The following PILRA variants were observed in gnomAD, a reference collection of about 807,000 sequenced individuals.
PILRA encodes the protein paired immunoglobin like type 2 receptor alpha, also known as paired immunoglobulin-like type 2 receptor alpha.
In PILRA, 37 loss-of-function variants were observed where a neutral mutation model predicts 33.1. The observed-to-expected ratio is 1.12, with a 90% CI of 0.86 to 1.47. PILRA has a LOEUF of 1.47. Ranked by LOEUF, PILRA falls within the 40% of genes most tolerant of loss-of-function variation. PILRA has a pLI of 0.00. For missense variants in PILRA, 312 were observed against 376.2 expected (o/e 0.83, Z 1.41); for synonymous variants, 146 against 149.9 (o/e 0.97, Z 0.19).
At chr7:100,396,124 A>AAAATAAAT (rs376347557) in intron 3 of PILRA, among the ~76,000 whole-genome samples, 1 of 151,860 alleles carries the variant, frequency 6.6e-6, no homozygotes, top group Non-Finnish European at 1.5e-5. Flanking sequence ...ACTTCATCTC[A>AAAATAAAT]AAATAAATAA....
chr7:100,380,823 T>A (rs1015678755), intron 2 of PILRA, among the ~76,000 whole-genome samples: 1 of 151,966 alleles, frequency 6.6e-6, no homozygotes, highest in African/African-American at 2.4e-5. Context: ...ACAAAAAAAT[T>A]AGCCAGGTGT....
At chr7:100,377,019 C>T (rs1159309377) in intron 2 of PILRA, among the ~76,000 whole-genome samples, 3 of 151,876 alleles carry the variant, frequency 2.0e-5, no homozygotes, top group Non-Finnish European at 4.4e-5. Flanking sequence ...CTACCTTGGC[C>T]TCCCAAAGTG....
At position 100,381,904 on chromosome 7, in the gene PILRA, C is replaced by G. The variant is rs922350200; in HGVS notation, c.454+7471C>G. Among the ~76,000 whole-genome samples, 15 of 152,298 alleles carry G rather than the reference C, an allele frequency of 9.8e-5. No individual in the cohort carries two copies. In the South Asian group the frequency reaches 3.1e-3, roughly 32 times the overall value. ...GGGTGCGCCTGGTGCCCCAGCAGTG[C>G]CAGCCCACCGGCGCTGTGCTCGATT... On this transcript the variant is annotated intron_variant, in intron 2 of 6. Coordinates refer to ENST00000198536, the MANE Select transcript of PILRA (RefSeq NM_013439.3).
intron 2 of PILRA, among the ~76,000 whole-genome samples, chr7:100,377,225 C>CTT (rs1790971410): frequency 8.7e-6 from 1 of 115,058 alleles, no homozygotes; most frequent in African/African-American, 3.3e-5. Context: ...TGTCACTTTT[C>CTT]TATTTCTTTT....
chr7:100,378,509 C>T (rs886686147), intron 2 of PILRA, among the ~76,000 whole-genome samples: 1 of 152,180 alleles, frequency 6.6e-6, no homozygotes, highest in African/African-American at 2.4e-5. Context: ...ATGCAATTGA[C>T]AGAAACTGAA....
intron 2 of PILRA, chr7:100,376,432 G>A (rs1474447702): frequency 1.3e-5 from 2 of 149,914 alleles, no homozygotes; most frequent in Non-Finnish European, 3.0e-5. Flanking sequence ...GAATATTCAT[G>A]CTTATTATAA....
At chr7:100,393,650 C>T (rs1196149401) in intron 3 of PILRA, among the ~76,000 whole-genome samples, 5 of 152,112 alleles carry the variant, frequency 3.3e-5, no homozygotes, top group Admixed American at 3.3e-4. Flanking sequence ...GTAAACAGAT[C>T]TGGAAGCAGA....
Position 100,397,913 on chromosome 7 carries a change from G to C in PILRA, c.707+1G>C, listed in dbSNP as rs201649203. 7.3e-4 allele frequency: 1,182 copies of C among 1,613,962 alleles called. 2 individuals carry two copies. The highest frequency in any genetic ancestry group is 8.6e-4 in the Non-Finnish European group (1,012 of 1,179,828). On this transcript the variant is annotated splice_donor_variant, in intron 4 of 6. Coordinates refer to ENST00000198536, the MANE Select transcript of PILRA (RefSeq NM_013439.3). LOFTEE classifies it high-confidence loss of function. ...GGACTAAAGCCACAACCCCAGCCAG[G>C]TGAGTGCTGGGCCTCCCCAGGGTGG...
At chr7:100,399,479 C>A (rs2130253292) in intron 5 of PILRA, 102 bp from the exon 6 acceptor site, 3 of 1,462,592 alleles carry the variant, frequency 2.1e-6, no homozygotes, top group East Asian at 2.3e-5. Flanking sequence ...GTGACCCTGG[C>A]CCTGACCTAG....
rs4729588 is a variant in PILRA at position 100,380,696 on chromosome 7, T to C, written c.454+6263T>C. Among the ~76,000 whole-genome samples the C allele has an allele frequency of 2.4e-3, 358 of 152,274 alleles. 5 individuals carry two copies. Among genetic ancestry groups the C allele is most frequent in the Admixed American group, 0.02 (313 of 15,292 alleles). On this transcript the variant is annotated intron_variant, in intron 2 of 6. Coordinates refer to ENST00000198536, the MANE Select transcript of PILRA (RefSeq NM_013439.3). Reference sequence around the variant, plus strand: ...ATTGGCTGGGTGTGGCCTGTCGTGATAGTTCACGTCTGTAATCCCAGCAGT... The same window carrying C: ...ATTGGCTGGGTGTGGCCTGTCGTGACAGTTCACGTCTGTAATCCCAGCAGT...
At chr7:100,384,667 A>C (rs1488421676) in intron 2 of PILRA, among the ~76,000 whole-genome samples, 1 of 152,112 alleles carries the variant, frequency 6.6e-6, no homozygotes, top group Non-Finnish European at 1.5e-5. Flanking sequence ...GTGCACCTGT[A>C]GTCTCAGCTA....
intron 2 of PILRA, among the ~76,000 whole-genome samples, chr7:100,384,186 C>T (rs943024813): frequency 5.3e-5 from 8 of 151,980 alleles, no homozygotes; most frequent in African/African-American, 1.7e-4. Context: ...TTGGCCTGAG[C>T]ATCTTGAAGG....
chr7:100,377,919 ATC>A (rs1331572385), intron 2 of PILRA, among the ~76,000 whole-genome samples: 2 of 152,228 alleles, frequency 1.3e-5, no homozygotes, highest in East Asian at 3.8e-4. Flanking sequence ...GTAGAAAAGC[ATC>A]TGTTTCTGGT....
intron 2 of PILRA, among the ~76,000 whole-genome samples, chr7:100,384,261 T>C (rs1791204284): frequency 6.6e-6 from 1 of 151,794 alleles, no homozygotes; most frequent in Non-Finnish European, 1.5e-5. Context: ...TCAAGAACTC[T>C]GTTTTGGACA....
chr7:100,396,849 G>A (rs187082246), intron 3 of PILRA, among the ~76,000 whole-genome samples: 1 of 152,172 alleles, frequency 6.6e-6, no homozygotes, highest in Non-Finnish European at 1.5e-5. Flanking sequence ...GGAGGAGGGA[G>A]TAGGGGTTCT....
intron 4 of PILRA, 148 bp downstream of exon 4, chr7:100,398,060 T>G: frequency 1.3e-6 from 1 of 745,896 alleles, no homozygotes; most frequent in Admixed American, 2.2e-5. Context: ...ATCCTTGTTC[T>G]CCTTTGTCCT....
upstream of PILRA, among the ~76,000 whole-genome samples, chr7:100,371,365 TC>T (rs1790808173): frequency 6.6e-6 from 1 of 152,210 alleles, no homozygotes; most frequent in Non-Finnish European, 1.5e-5. Flanking sequence ...TTTTGGCTAT[TC>T]TAGGTCCTTT....
In PILRA at chr7:100,399,321, T is replaced by A. The variant is rs367569519; in HGVS notation, c.738T>A (p.Tyr246Ter). The A allele has an allele frequency of 6.2e-7, 1 of 1,611,460 alleles. No individual in the cohort carries two copies. Among genetic ancestry groups the A allele is most frequent in the East Asian group, 2.2e-5 (1 of 44,876 alleles). ...CCTTCCAAAACACAGAGGAGCCATA[T>A]GAGAATATCAGGAATGAAGGTGAGT... The part of the protein sequence containing the change: ...REPFQNTEEP[Y>*]ENIRNEGQNT... The change falls in exon 5 of 7, where the codon TAT becomes TAA. Residue 246 changes from tyrosine to a stop codon, truncating the protein, a stop_gained. Transcript: ENST00000198536. LOFTEE classifies it low-confidence loss of function (END_TRUNC).
chr7:100,389,732 T>TG (rs1791340013), intron 2 of PILRA, among the ~76,000 whole-genome samples, 156 bp from the exon 3 acceptor site: 1 of 152,064 alleles, frequency 6.6e-6, no homozygotes, highest in African/African-American at 2.4e-5. Flanking sequence ...TGAAAGCTGT[T>TG]AACATTTCAC....
Sources: gnomAD v4.1 joint callset for allele counts (sites outside exome capture counted in the v4.1 genomes callset) on GRCh38, gnomAD v4.1.1 for gene constraint, MANE v1.5 for transcripts, NCBI Gene and HGNC (gene_info 2026-07-23, HGNC 2026-07-21) for gene names.